Variants in LMO1 observed in about 807,000 individuals in gnomAD.
LMO1 encodes LIM domain only 1, also known as rhombotin-1.
Under a neutral mutation model 18.0 loss-of-function variants are expected in LMO1, and 10 were observed. The ratio of observed to expected loss-of-function variants is 0.55; its 90% CI spans 0.34 to 0.94. The LOEUF is 0.94. Ranked by LOEUF, LMO1 falls within the 40% of genes least tolerant of loss-of-function variation. The pLI is 0.02. For missense variants in LMO1, 183 were observed against 205.7 expected (o/e 0.89, Z 0.68); for synonymous variants, 77 against 77.9 (o/e 0.99, Z 0.06).
upstream of LMO1, among the ~76,000 whole-genome samples, chr11:8,265,435 C>T (rs554451087): frequency 2.7e-4 from 41 of 152,284 alleles, no homozygotes; most frequent in Middle Eastern, 6.8e-3. Context: ...CCATATTCCT[C>T]TCTGCTAGGC....
At position 8,239,160 on chromosome 11, in the gene LMO1, T is replaced by C. The variant is rs140665268; in HGVS notation, c.26-8656A>G. Among the ~76,000 whole-genome samples the C allele has an allele frequency of 2.5e-3, 386 of 152,270 alleles. 3 individuals carry two copies. The highest frequency in any genetic ancestry group is 8.4e-3 in the African/African-American group (350 of 41,582). On this transcript the variant is annotated intron_variant, in intron 1 of 3. Transcript: ENST00000335790. ...GGCCTGTCAGAATCCAGAGTTCAAG[T>C]TCCCATCCAGCACACGCCCAGGGCT... is the stretch of plus-strand genomic sequence containing the variant.
intron 1 of LMO1, among the ~76,000 whole-genome samples, chr11:8,245,150 T>C (rs769378304): frequency 6.6e-6 from 1 of 152,190 alleles, no homozygotes; most frequent in Non-Finnish European, 1.5e-5. Context: ...GAACAACTTA[T>C]CTAAAGTCAC....
chr11:8,235,153 A>G (rs900202384), intron 1 of LMO1, among the ~76,000 whole-genome samples: 8 of 152,172 alleles, frequency 5.3e-5, no homozygotes, highest in Non-Finnish European at 1.2e-4. Context: ...ACCCCAGGAT[A>G]CCATCCCTGC....
chr11:8,254,211 C>T (rs1847051859), intron 1 of LMO1, among the ~76,000 whole-genome samples: 1 of 152,138 alleles, frequency 6.6e-6, no homozygotes, highest in Non-Finnish European at 1.5e-5. Context: ...ATATTACTGT[C>T]CACTTTCTAA....
rs369300246 is a variant in LMO1, at chr11:8,230,344, G to A, written c.186C>T (p.Gly62=). The change falls in exon 2 of 4, where the codon GGC becomes GGT. Residue 62 remains glycine, a synonymous_variant. Coordinates refer to ENST00000335790, the MANE Select transcript of LMO1 (RefSeq NM_002315.3). The part of the protein sequence containing the change: ...ACCDCRLGEV[G]STLYTKANLI... ...GGTTGGCCTTGGTGTAGAGGGTGGA[G>A]CCCACCTCGCCCAGGCGGCAGTCAC... is the stretch of plus-strand genomic sequence containing the variant. 4.1e-5 allele frequency: 66 copies of A among 1,613,922 alleles called. No homozygotes were observed. Among genetic ancestry groups the A allele is most frequent in the Admixed American group, 8.3e-5 (5 of 60,004 alleles).
intron 1 of LMO1, among the ~76,000 whole-genome samples, chr11:8,248,274 G>GTT (rs1022953882): frequency 6.6e-6 from 1 of 152,232 alleles, no homozygotes; most frequent in African/African-American, 2.4e-5. Context: ...GCTCTTGGGG[G>GTT]TTCTCTCTCC....
chr11:8,240,139 C>G (rs1846759844), intron 1 of LMO1, among the ~76,000 whole-genome samples: 2 of 152,134 alleles, frequency 1.3e-5, no homozygotes. Flanking sequence ...TGGACCCTAC[C>G]AAAAGAAGAC....
At chr11:8,233,375 G>A (rs759000215) in intron 1 of LMO1, among the ~76,000 whole-genome samples, 3 of 152,182 alleles carry the variant, frequency 2.0e-5, no homozygotes, top group Non-Finnish European at 4.4e-5. Context: ...TGGCTATGGG[G>A]TCCAGAGCAT....
intron 1 of LMO1, among the ~76,000 whole-genome samples, chr11:8,240,610 A>G (rs1267127526): frequency 6.6e-6 from 1 of 152,002 alleles, no homozygotes; most frequent in Non-Finnish European, 1.5e-5. Flanking sequence ...GGATCATTAG[A>G]TGGCCATCTT....
upstream of LMO1, chr11:8,268,648 G>T: frequency 3.0e-6 from 1 of 331,300 alleles, no homozygotes; most frequent in South Asian, 1.5e-4. Flanking sequence ...GAGGGACTGG[G>T]GGGAAGGCGC....
chr11:8,258,399 C>A (rs1293786115), intron 1 of LMO1, among the ~76,000 whole-genome samples: 1 of 152,220 alleles, frequency 6.6e-6, no homozygotes, highest in Non-Finnish European at 1.5e-5. Flanking sequence ...CCTAGCTGCA[C>A]CATCACGGCT....
intron 1 of LMO1, among the ~76,000 whole-genome samples, chr11:8,231,456 TGAG>T (rs1343260722): frequency 6.6e-6 from 1 of 152,158 alleles, no homozygotes; most frequent in Non-Finnish European, 1.5e-5. Context: ...CAGGGACCGT[TGAG>T]GAGGAGATGG....
intron 1 of LMO1, among the ~76,000 whole-genome samples, chr11:8,241,968 T>C (rs1380352916): frequency 3.3e-5 from 5 of 152,190 alleles, no homozygotes; most frequent in South Asian, 2.1e-4. Flanking sequence ...CTGAATGGAA[T>C]CTATCCAGAT....
intron 1 of LMO1, among the ~76,000 whole-genome samples, chr11:8,258,469 C>A (rs543394797): frequency 6.6e-6 from 1 of 152,352 alleles, no homozygotes; most frequent in Admixed American, 6.5e-5. Flanking sequence ...ACTCTGGCAG[C>A]TTCGCCCTGG....
intron 1 of LMO1, among the ~76,000 whole-genome samples, chr11:8,238,082 G>C (rs544460572): frequency 3.9e-5 from 6 of 152,170 alleles, no homozygotes; most frequent in Admixed American, 2.0e-4. Context: ...AGAAATGAGA[G>C]CTTATGTCCA....
intron 1 of LMO1, among the ~76,000 whole-genome samples, chr11:8,251,870 TGA>T (rs1227327370): frequency 5.5e-3 from 42 of 7,622 alleles, no homozygotes; most frequent in African/African-American, 0.013. Flanking sequence ...TGAATGTGTG[TGA>T]GTGTGTGTGT....
intron 1 of LMO1, among the ~76,000 whole-genome samples, chr11:8,260,904 C>T (rs968999831): frequency 1.3e-5 from 2 of 152,118 alleles, no homozygotes; most frequent in South Asian, 4.1e-4. Context: ...GGGAATGCTG[C>T]CACCCAGTTC....
intron 1 of LMO1, among the ~76,000 whole-genome samples, chr11:8,240,675 TAAG>T (rs772054754): frequency 5.9e-5 from 9 of 152,114 alleles, no homozygotes; most frequent in Non-Finnish European, 1.2e-4. Flanking sequence ...TGGTCCCTTT[TAAG>T]AAGGCACCAA....
At chr11:8,248,910 T>A (rs371409) in intron 1 of LMO1, among the ~76,000 whole-genome samples, 151,338 of 152,274 alleles carry the variant, frequency 0.99, 75,215 homozygotes, top group East Asian at 1. Context: ...TGGTCCAGTC[T>A]TGACAGCAGC....
Sources: allele counts gnomAD v4.1 joint callset (sites outside exome capture counted in the v4.1 genomes callset), GRCh38; gene constraint gnomAD v4.1.1; transcripts MANE v1.5; gene names NCBI Gene and HGNC (gene_info 2026-07-23, HGNC 2026-07-21).